GFRA2: variants seen among roughly 807,000 people sequenced by gnomAD.
GFRA2 encodes GDNF family receptor alpha 2, also known as GDNF family receptor alpha-2.
Under a neutral mutation model 48.3 loss-of-function variants are expected in GFRA2, and 17 were observed. The ratio of observed to expected loss-of-function variants is 0.35; its 90% CI spans 0.24 to 0.53. The LOEUF (loss-of-function observed/expected upper bound fraction) is 0.53, where lower values mean the gene tolerates loss of function less well. GFRA2 is among the 20% of genes least tolerant of loss of function. The pLI, the probability that GFRA2 is intolerant of heterozygous loss-of-function variation, is 0.93. For missense variants in GFRA2, 660 were observed against 637.3 expected, an observed-to-expected ratio of 1.04 and a Z score of -0.38; for synonymous variants, 305 against 257.2, an observed-to-expected ratio of 1.19 and a Z score of -1.78.
chr8:21,734,172 G>A (rs1804338679), intron 4 of GFRA2, among the ~76,000 whole-genome samples: 1 of 152,208 alleles, frequency 6.6e-6, no homozygotes, highest in South Asian at 2.1e-4. Flanking sequence ...GCACTCTGTT[G>A]GGCTCCCTGG....
chr8:21,802,532 T>G (rs1346449116), intron 2 of GFRA2, among the ~76,000 whole-genome samples: 1 of 152,082 alleles, frequency 6.6e-6, no homozygotes, highest in East Asian at 1.9e-4. Flanking sequence ...TTTTTTAATT[T>G]TTTATAGAGA....
At position 21,715,497 on chromosome 8, in the gene GFRA2, C is replaced by T. The variant is rs535144100; in HGVS notation, c.795-9456G>A. On this transcript the variant is annotated intron_variant, in intron 4 of 8. Coordinates refer to ENST00000524240, the MANE Select transcript of GFRA2 (RefSeq NM_001495.5). ...CTAATTTTTGTATTTTTAGTAGAGA[C>T]GGGGTTTTACCATATTGGCCAGGCT... is the stretch of plus-strand genomic sequence containing the variant. Among the ~76,000 whole-genome samples, 17 of 152,236 alleles carry T rather than the reference C, an allele frequency of 1.1e-4. No homozygotes were observed. The East Asian group carries it at 1.9e-3, about 17-fold the overall frequency.
At chr8:21,734,044 G>A (rs550222432) in intron 4 of GFRA2, among the ~76,000 whole-genome samples, 7 of 152,214 alleles carry the variant, frequency 4.6e-5, no homozygotes, top group South Asian at 2.1e-4. Context: ...AAAGGGGACC[G>A]TGCTTTCTGA....
intron 2 of GFRA2, among the ~76,000 whole-genome samples, chr8:21,799,032 A>G (rs1231974294): frequency 6.6e-6 from 1 of 152,168 alleles, no homozygotes; most frequent in Non-Finnish European, 1.5e-5. Context: ...GAATGAATGA[A>G]TGGGCAAATG....
At chr8:21,706,311 C>A in intron 4 of GFRA2, 1 of 589,538 alleles carries the variant, frequency 1.7e-6, no homozygotes, top group Non-Finnish European at 3.2e-6. Context: ...CCCCTCAAGG[C>A]ACAGAAACAG....
chr8:21,799,828 A>G lies in GFRA2; in HGVS notation c.-36+5189T>C, dbSNP rs1033874161. ...GTCCTGGAAACACAGGGCTCCCCCA[A>G]CAAGAAGCCTGTGTCCTCTGCAGAC... On this transcript the variant is annotated intron_variant, in intron 2 of 10. Transcript: ENST00000517328. Among the ~76,000 whole-genome samples the G allele has an allele frequency of 2.6e-5, 4 of 152,320 alleles. 1 individual carries two copies. Among genetic ancestry groups the G allele is most frequent in the South Asian group, 4.1e-4 (2 of 4,828 alleles).
intron 4 of GFRA2, among the ~76,000 whole-genome samples, chr8:21,748,242 T>G (rs990240916): frequency 6.6e-6 from 1 of 152,068 alleles, no homozygotes; most frequent in Non-Finnish European, 1.5e-5. Context: ...AAGGTGGCAA[T>G]AGTCCCCCAG....
chr8:21,729,519 C>T (rs1804073326), intron 4 of GFRA2, among the ~76,000 whole-genome samples: 1 of 152,162 alleles, frequency 6.6e-6, no homozygotes, highest in Admixed American at 6.5e-5. Flanking sequence ...CTTCCTCGCA[C>T]TTACAGATTT....
At chr8:21,799,221 A>G (rs112643053) in intron 2 of GFRA2, among the ~76,000 whole-genome samples, 1 of 69,332 alleles carries the variant, frequency 1.4e-5, no homozygotes, top group Non-Finnish European at 2.7e-5. Context: ...TGACCAGAGG[A>G]TTTTTTTTTT....
chr8:21,743,179 G>A (rs1303789552), intron 4 of GFRA2, among the ~76,000 whole-genome samples: 1 of 152,148 alleles, frequency 6.6e-6, no homozygotes, highest in African/African-American at 2.4e-5. Flanking sequence ...GGATCCCCAA[G>A]GGGAAACTGG....
At position 21,691,939 on chromosome 8, in the gene GFRA2, G is replaced by A. The variant is rs926705200; in HGVS notation, c.*1339C>T. 1 of 152,806 alleles carries A rather than the reference G, an allele frequency of 6.5e-6. No homozygotes were observed. The highest frequency in any genetic ancestry group is 2.4e-5 in the African/African-American group (1 of 41,568). The allele number at this position is 152,806 out of a possible 1,614,324, so 9.5% of individuals were successfully genotyped here. Reference sequence around the variant, plus strand: ...CGGACACACATTTCCCCAGCCCACTGGGAGCTCCACTTACGCAGGTAACAC... The same window carrying A: ...CGGACACACATTTCCCCAGCCCACTAGGAGCTCCACTTACGCAGGTAACAC... On this transcript the variant is annotated 3_prime_UTR_variant, in exon 9 of 9. Coordinates refer to ENST00000524240, the MANE Select transcript of GFRA2 (RefSeq NM_001495.5).
At chr8:21,738,181 T>TTCC (rs1470149786) in intron 4 of GFRA2, among the ~76,000 whole-genome samples, 1 of 11,302 alleles carries the variant, frequency 8.8e-5, no homozygotes, top group Non-Finnish European at 1.7e-4. Context: ...CCCTCCCCCG[T>TTCC]TCCTCCTCCT....
chr8:21,717,295 C>T (rs1042962807), intron 4 of GFRA2, among the ~76,000 whole-genome samples: 2 of 152,138 alleles, frequency 1.3e-5, no homozygotes, highest in African/African-American at 4.8e-5. Flanking sequence ...GACATTAACA[C>T]CAGGGAAAGC....
chr8:21,744,626 G>T (rs1804911603), intron 4 of GFRA2, among the ~76,000 whole-genome samples: 1 of 151,208 alleles, frequency 6.6e-6, no homozygotes, highest in Non-Finnish European at 1.5e-5. Flanking sequence ...AGCTGAGAGG[G>T]TAAAAACCGA....
Position 21,705,980 on chromosome 8 carries a change from G to T in GFRA2, c.856C>A (p.Pro286Thr). The part of the protein sequence containing the change: ...RASYQTVTSC[P>T]ADNYQACLGS... ...AGACACGCCTGGTAATTGTCCGCAG[G>T]GCAGCTGGTGACCGTCTGGTAGGAG... The change falls in exon 5 of 9, where the codon CCT becomes ACT. Residue 286 changes from proline to threonine, a missense_variant. Physicochemically the swap from Pro to Thr is conservative, Grantham distance 38. Transcript: ENST00000524240. 6.3e-7 allele frequency: 1 copy of T among 1,579,888 alleles called. No individual in the cohort carries two copies. Among genetic ancestry groups the T allele is most frequent in the Non-Finnish European group, 8.6e-7 (1 of 1,162,580 alleles).
chr8:21,769,086 A>G (rs1276857192), intron 3 of GFRA2: 9 of 718,178 alleles, frequency 1.3e-5, no homozygotes, highest in Non-Finnish European at 1.5e-5. Context: ...ACTGAAAACA[A>G]GCCACTTAGG....
Position 21,699,895 on chromosome 8 carries a change from G to A in GFRA2, c.1218+2910C>T, listed in dbSNP as rs568075805. 2.8e-4 allele frequency among the ~76,000 whole-genome samples: 42 copies of A among 152,350 alleles called. 1 individual carries two copies. In the South Asian group the frequency reaches 7.9e-3, roughly 29 times the overall value. On this transcript the variant is annotated intron_variant, in intron 7 of 8. Transcript: ENST00000524240. ...TGTGCACCCAGCTACGCAGGGTGAC[G>A]CAGGAGGGTGAGATGCCACTATGGC... is the stretch of plus-strand genomic sequence containing the variant.
At chr8:21,809,599 T>C (rs894849169) in intron 1 of GFRA2, among the ~76,000 whole-genome samples, 3 of 152,156 alleles carry the variant, frequency 2.0e-5, no homozygotes, top group African/African-American at 7.2e-5. Flanking sequence ...AGTGCTAGGA[T>C]TACAGGCGTG....
At chr8:21,777,944 G>A (rs1806790538) in intron 2 of GFRA2, among the ~76,000 whole-genome samples, 1 of 152,154 alleles carries the variant, frequency 6.6e-6, no homozygotes, top group Non-Finnish European at 1.5e-5. Context: ...GCCATGTCTT[G>A]CGGTCACATT....
Sources: gnomAD v4.1 joint callset for allele counts (sites outside exome capture counted in the v4.1 genomes callset) on GRCh38, gnomAD v4.1.1 for gene constraint, MANE v1.5 for transcripts, NCBI Gene and HGNC (gene_info 2026-07-23, HGNC 2026-07-21) for gene names.